Variants in KLHL29 observed in about 807,000 individuals in gnomAD.
The protein encoded by KLHL29 is kelch-like protein 29.
Under a neutral mutation model 80.4 loss-of-function variants are expected in KLHL29, and 21 were observed. That is an observed-to-expected ratio of 0.26 (90% CI 0.19 to 0.38). The LOEUF (loss-of-function observed/expected upper bound fraction) is 0.38, where lower values mean the gene tolerates loss of function less well. Ranked by LOEUF, KLHL29 falls within the 10% of genes least tolerant of loss-of-function variation. The pLI, the probability that KLHL29 is intolerant of heterozygous loss-of-function variation, is 1.00. For missense variants in KLHL29, 867 were observed against 1,223.9 expected (o/e 0.71, Z 4.35); for synonymous variants, 511 against 526.8 (o/e 0.97, Z 0.41).
At chr2:23,687,174 G>A (rs1190930049) in intron 6 of KLHL29, among the ~76,000 whole-genome samples, 3 of 152,204 alleles carry the variant, frequency 2.0e-5, no homozygotes, top group African/African-American at 7.2e-5. Flanking sequence ...ACTCTTGTAA[G>A]GGGAGGGAGT....
At chr2:23,460,469 T>C (rs1664178780) in intron 1 of KLHL29, among the ~76,000 whole-genome samples, 2 of 152,174 alleles carry the variant, frequency 1.3e-5, no homozygotes, top group Non-Finnish European at 2.9e-5. Context: ...CTAGAAATGC[T>C]GCTAAGCATC....
chr2:23,485,940 G>A (rs1664923041), intron 2 of KLHL29, among the ~76,000 whole-genome samples: 1 of 152,212 alleles, frequency 6.6e-6, no homozygotes, highest in Admixed American at 6.5e-5. Context: ...TAAAAGACTA[G>A]GACCTGGCTG....
intron 3 of KLHL29, chr2:23,617,062 G>A (rs2149141037): frequency 6.6e-6 from 1 of 152,314 alleles, no homozygotes; most frequent in Non-Finnish European, 1.5e-5. Context: ...ATTTACCAAA[G>A]GTAAATGAAA....
chr2:23,606,364 C>T (rs1382505040), intron 3 of KLHL29, among the ~76,000 whole-genome samples: 2 of 152,078 alleles, frequency 1.3e-5, no homozygotes, highest in African/African-American at 4.8e-5. Flanking sequence ...TCTCTGGCCT[C>T]CTTTGTTTCA....
At chr2:23,402,090 C>T (rs1373265460) in intron 1 of KLHL29, among the ~76,000 whole-genome samples, 1 of 152,162 alleles carries the variant, frequency 6.6e-6, no homozygotes, top group Non-Finnish European at 1.5e-5. Flanking sequence ...GCTTGCCAGT[C>T]AGGGGCAGAG....
Position 23,695,974 on chromosome 2 carries a change from G to A in KLHL29, c.1765G>A (p.Val589Ile), listed in dbSNP as rs970313090. 27 of 1,551,436 alleles carry A rather than the reference G, an allele frequency of 1.7e-5. No homozygotes were observed. Among genetic ancestry groups the A allele is most frequent in the Non-Finnish European group, 2.2e-5 (25 of 1,146,964 alleles). Reference protein sequence around the residue: ...SAGVAEVIVLVGGRQMVGMTQ... With the variant: ...SAGVAEVIVLIGGRQMVGMTQ... ...AGGTGTGGCTGAGGTCATCGTCTTGGTTGGGGGCCGTCAGATGGTGGGGAT... is the reference window on the plus strand; with the variant it reads ...AGGTGTGGCTGAGGTCATCGTCTTGATTGGGGGCCGTCAGATGGTGGGGAT... The change falls in exon 10 of 14, where the codon GTT (valine) becomes ATT (isoleucine). Residue 589 changes from valine (V) to isoleucine (I), a missense_variant. Around this residue, in one of 2 missense-constraint regions of KLHL29, gnomAD observed 443 missense variants for 767.0 expected, o/e 0.58. Transcript: ENST00000486442. This position sits in a 1 kb window ranked among gnomAD's most constrained non-coding sequence, Gnocchi z 7.6.
rs564500358 is a variant in KLHL29 at position 23,554,220 on chromosome 2, G to A, written c.-45-7932G>A. ...TTTGTGTTGCATTTGCCAAGATGGT[G>A]TTCTGGCTGCTGTTTAGTATTTTGC... On this transcript the variant is annotated intron_variant, in intron 2 of 13. Coordinates refer to ENST00000486442, the MANE Select transcript of KLHL29 (RefSeq NM_052920.2). Among the ~76,000 whole-genome samples, 327 of 152,362 alleles carry A rather than the reference G, an allele frequency of 2.1e-3. 3 individuals are homozygous for A. Among genetic ancestry groups the A allele is most frequent in the Middle Eastern group, 0.02 (6 of 294 alleles).
In KLHL29 at chr2:23,603,774, A is replaced by G. The variant is rs1275182722; in HGVS notation, c.286-35365A>G. Among the ~76,000 whole-genome samples, 3 of 152,178 alleles carry G rather than the reference A, an allele frequency of 2.0e-5. No homozygotes were observed. In the East Asian group the frequency reaches 5.8e-4, roughly 29 times the overall value. On this transcript the variant is annotated intron_variant, in intron 3 of 13. Coordinates refer to ENST00000486442, the MANE Select transcript of KLHL29 (RefSeq NM_052920.2). The stretch of plus-strand genomic sequence containing the variant: ...AGGCCGAGGAGCCCTGGTGGATTCC[A>G]TCAGAGGCCCTGGTGCAGCTGCATT...
In KLHL29 at chr2:23,403,711, A is replaced by G. The variant is rs963194460; in HGVS notation, c.-154+17931A>G. Among the ~76,000 whole-genome samples, 302 of 140,120 alleles carry G rather than the reference A, an allele frequency of 2.2e-3. 2 individuals carry two copies. Among genetic ancestry groups the G allele is most frequent in the African/African-American group, 7.3e-3 (273 of 37,558 alleles). The allele number at this position is 140,120 out of a possible 152,430, so 91.9% of individuals were successfully genotyped here. ...AAAAGAAAGGGGAAGATGAAACCCA[A>G]AGAGAGAGAGAGAGAGTGTGTGTGT... On this transcript the variant is annotated intron_variant, in intron 1 of 13. Transcript: ENST00000486442.
chr2:23,406,293 A>C (rs947650706), intron 1 of KLHL29, among the ~76,000 whole-genome samples: 2 of 143,166 alleles, frequency 1.4e-5, no homozygotes, highest in Admixed American at 7.5e-5. Context: ...ACACCACTGC[A>C]CTCCAGCCTG....
chr2:23,586,337 C>T (rs1047258147), intron 3 of KLHL29, among the ~76,000 whole-genome samples: 3 of 151,538 alleles, frequency 2.0e-5, no homozygotes, highest in African/African-American at 7.3e-5. Context: ...AGCCTCCCCC[C>T]CATTCCTTCT....
chr2:23,659,513 G>A (rs1025441469), intron 5 of KLHL29, among the ~76,000 whole-genome samples: 2 of 152,126 alleles, frequency 1.3e-5, no homozygotes, highest in African/African-American at 2.4e-5. Context: ...TCTCAGCGCC[G>A]AGTCCCGGAT....
chr2:23,614,031 C>G (rs1179585415), intron 3 of KLHL29, among the ~76,000 whole-genome samples: 3 of 152,136 alleles, frequency 2.0e-5, no homozygotes, highest in Non-Finnish European at 2.9e-5. Flanking sequence ...ACAGATAGAA[C>G]TGAAAGTCAC....
chr2:23,594,477 T>C (rs1274190589), intron 3 of KLHL29, among the ~76,000 whole-genome samples: 1 of 152,192 alleles, frequency 6.6e-6, no homozygotes, highest in East Asian at 1.9e-4. Context: ...CCTTCTTCGC[T>C]GACTTCTTTT....
chr2:23,640,424 TCCCCTGGGG>T (rs1669736149), intron 4 of KLHL29, among the ~76,000 whole-genome samples: 2 of 152,050 alleles, frequency 1.3e-5, no homozygotes, highest in African/African-American at 4.8e-5. Flanking sequence ...TGCCACAGAG[TCCCCTGGGG>T]CCCCACCCAT....
At chr2:23,397,697 C>T (rs769564356) in intron 1 of KLHL29, among the ~76,000 whole-genome samples, 3 of 152,096 alleles carry the variant, frequency 2.0e-5, no homozygotes, top group Non-Finnish European at 2.9e-5. Flanking sequence ...ACTGAGCATG[C>T]GGCAGTGAGG....
At chr2:23,397,032 C>T (rs144786736) in intron 1 of KLHL29, among the ~76,000 whole-genome samples, 1 of 152,276 alleles carries the variant, frequency 6.6e-6, no homozygotes, top group African/African-American at 2.4e-5. Flanking sequence ...AAGGTCTGCT[C>T]TAGTGGCCCC....
At chr2:23,567,650 G>A (rs534419850) in intron 3 of KLHL29, among the ~76,000 whole-genome samples, 2 of 152,312 alleles carry the variant, frequency 1.3e-5, no homozygotes, top group South Asian at 2.1e-4. Context: ...GTGACCGCAG[G>A]GCCAATGTGG....
At chr2:23,458,729 C>T (rs1361421867) in intron 1 of KLHL29, among the ~76,000 whole-genome samples, 2 of 152,094 alleles carry the variant, frequency 1.3e-5, no homozygotes, top group Non-Finnish European at 2.9e-5. Flanking sequence ...GTGGAAACAC[C>T]CTGCAGTACA....
Sources: allele counts gnomAD v4.1 joint callset (sites outside exome capture counted in the v4.1 genomes callset), GRCh38; gene constraint gnomAD v4.1.1; regional missense constraint gnomAD v4.1.1; non-coding constraint Gnocchi (gnomAD v3.1); transcripts MANE v1.5; gene names NCBI Gene and HGNC (gene_info 2026-07-23, HGNC 2026-07-21).